TFPI: variants seen among roughly 807,000 people sequenced by gnomAD.
TFPI encodes the protein anti-convertin.
A neutral mutation model predicts 34.6 loss-of-function variants in TFPI; 15 were observed. The ratio of observed to expected loss-of-function variants is 0.43; its 90% CI spans 0.29 to 0.67. The LOEUF is 0.67. Among genes scored for constraint, TFPI ranks in the 30% least tolerant of loss-of-function variants. The probability of loss-of-function intolerance (pLI) is 0.15; values close to 1 mark genes in which losing one functional copy is unlikely to be tolerated. For synonymous variants in TFPI, 105 were observed against 120.1 expected (o/e 0.87, Z 0.82); for missense variants, 301 against 364.0 (o/e 0.83, Z 1.41).
chr2:187,526,668 T>G (rs1687694007), intron 1 of TFPI, among the ~76,000 whole-genome samples: 3 of 152,192 alleles, frequency 2.0e-5, no homozygotes, highest in African/African-American at 7.2e-5. Context: ...TGCTAACATG[T>G]ATACTAAAAG....
chr2:187,483,783 G>T (rs1693051136), intron 6 of TFPI: 1 of 266,636 alleles, frequency 3.8e-6, no homozygotes, highest in Non-Finnish European at 7.0e-6. Flanking sequence ...GCACTGCTGT[G>T]CCAGTACAAT....
chr2:187,532,628 G>T (rs548241414), intron 1 of TFPI, among the ~76,000 whole-genome samples: 63 of 152,252 alleles, frequency 4.1e-4, no homozygotes, highest in African/African-American at 1.5e-3. Flanking sequence ...TTGAGGCCCT[G>T]GGTTTCAAGA....
At chr2:187,542,207 C>G (rs566706166) in intron 1 of TFPI, among the ~76,000 whole-genome samples, 26 of 151,560 alleles carry the variant, frequency 1.7e-4, no homozygotes, top group Middle Eastern at 3.4e-3. Context: ...ATAGCAGATG[C>G]GAACCCAGGC....
intron 2 of TFPI, chr2:187,499,570 C>G (rs1425600242): frequency 6.6e-6 from 1 of 150,744 alleles, no homozygotes; most frequent in Non-Finnish European, 1.5e-5. Flanking sequence ...GGTGTGAAGA[C>G]CCTAAGTGGT....
chr2:187,466,905 G>T lies in TFPI; in HGVS notation c.*31C>A. 1 of 1,160,318 alleles carries T rather than the reference G, an allele frequency of 8.6e-7. No individual in the cohort carries two copies. 71.9% of individuals were successfully genotyped at this position (1,160,318 alleles called of 1,614,324 possible). On this transcript the variant is annotated 3_prime_UTR_variant, in exon 8 of 8. Transcript: ENST00000233156. ...TGAAACATTTCATATAAAATATTTAGTAGAATTAATGTTACATTGCTATAA... is the reference window on the plus strand; with the variant it reads ...TGAAACATTTCATATAAAATATTTATTAGAATTAATGTTACATTGCTATAA...
chr2:187,527,873 A>G (rs1161926093), intron 1 of TFPI, among the ~76,000 whole-genome samples: 2 of 152,132 alleles, frequency 1.3e-5, no homozygotes, highest in African/African-American at 4.8e-5. Context: ...TTAGAGCTAC[A>G]TAATATATTT....
chr2:187,540,855 C>T (rs1250939808), intron 1 of TFPI, among the ~76,000 whole-genome samples: 1 of 137,642 alleles, frequency 7.3e-6, no homozygotes, highest in Non-Finnish European at 1.5e-5. Flanking sequence ...TGTGTCACTG[C>T]ACTCCAGCCT....
At chr2:187,476,159 A>C (rs1286623890) in intron 6 of TFPI, among the ~76,000 whole-genome samples, 1 of 152,180 alleles carries the variant, frequency 6.6e-6, no homozygotes, top group Non-Finnish European at 1.5e-5. Flanking sequence ...TCTTGCATCC[A>C]TGTGATCATA....
rs185590042 is a variant in TFPI, at chr2:187,492,701, A to G, written c.319+4180T>C. Among the ~76,000 whole-genome samples the G allele has an allele frequency of 4.6e-5, 7 of 152,262 alleles. No individual in the cohort carries two copies. The East Asian group carries it at 9.7e-4, about 21-fold the overall frequency. The stretch of plus-strand genomic sequence containing the variant: ...CTGCCCTGCTGGATTTTGGACTTCC[A>G]TGGGGCCTGTAGACCCTTTGTTTTG... On this transcript the variant is annotated intron_variant, in intron 3 of 7. Transcript: ENST00000233156.
At chr2:187,478,318 C>T (rs537994162) in intron 6 of TFPI, among the ~76,000 whole-genome samples, 28 of 152,256 alleles carry the variant, frequency 1.8e-4, no homozygotes, top group Admixed American at 1.3e-3. Context: ...CGAGATCGCG[C>T]CATTGCACTC....
intron 6 of TFPI, among the ~76,000 whole-genome samples, chr2:187,480,653 A>G (rs1321130594): frequency 6.6e-6 from 1 of 152,118 alleles, no homozygotes. Context: ...CATTTAGGGA[A>G]ATTGCTTTAG....
At chr2:187,472,212 C>T (rs1692081517) in intron 6 of TFPI, among the ~76,000 whole-genome samples, 1 of 151,938 alleles carries the variant, frequency 6.6e-6, no homozygotes, top group Non-Finnish European at 1.5e-5. Flanking sequence ...GGCTGTGTCT[C>T]CACATTTTTA....
intron 1 of TFPI, among the ~76,000 whole-genome samples, chr2:187,506,091 G>A (rs1188799660): frequency 6.6e-6 from 1 of 152,034 alleles, no homozygotes; most frequent in Non-Finnish European, 1.5e-5. Context: ...CTGGTTCTGG[G>A]TGATAACAGA....
intron 1 of TFPI, among the ~76,000 whole-genome samples, chr2:187,540,943 A>C (rs2106301978): frequency 6.6e-6 from 1 of 152,016 alleles, no homozygotes; most frequent in East Asian, 1.9e-4. Context: ...ATAAACCTTT[A>C]ATTAAAGAGG....
chr2:187,490,138 A>C (rs1016410031), intron 3 of TFPI, among the ~76,000 whole-genome samples: 1 of 151,602 alleles, frequency 6.6e-6, no homozygotes, highest in Non-Finnish European at 1.5e-5. Flanking sequence ...TTATACCTCA[A>C]ACTGACTTAT....
intron 6 of TFPI, among the ~76,000 whole-genome samples, chr2:187,472,350 A>T (rs1476423967): frequency 6.6e-6 from 1 of 152,162 alleles, no homozygotes; most frequent in Non-Finnish European, 1.5e-5. Flanking sequence ...TGGCTCATGA[A>T]CACCCATGTA....
At chr2:187,488,667 G>T (rs1472141904) in intron 3 of TFPI, among the ~76,000 whole-genome samples, 1 of 151,352 alleles carries the variant, frequency 6.6e-6, no homozygotes, top group Non-Finnish European at 1.5e-5. Context: ...TACTGTTCAG[G>T]ATATCTATAC....
Position 187,480,282 on chromosome 2 carries a change from T to A in TFPI, c.628+3842A>T, listed in dbSNP as rs141166960. Among the ~76,000 whole-genome samples, 702 of 152,148 alleles carry A rather than the reference T, an allele frequency of 4.6e-3. 5 individuals carry two copies. Among genetic ancestry groups the A allele is most frequent in the Non-Finnish European group, 8.2e-3 (557 of 67,938 alleles). On this transcript the variant is annotated intron_variant, in intron 6 of 7. Coordinates refer to ENST00000233156, the MANE Select transcript of TFPI (RefSeq NM_006287.6). ...TAACAAATGAGAATCTAAGGCCTGGTGAATTAAGTGTATTACTCTGAATCA... is the reference window on the plus strand; with the variant it reads ...TAACAAATGAGAATCTAAGGCCTGGAGAATTAAGTGTATTACTCTGAATCA...
At chr2:187,529,103 C>T (rs899067078) in intron 1 of TFPI, among the ~76,000 whole-genome samples, 4 of 152,004 alleles carry the variant, frequency 2.6e-5, no homozygotes, top group African/African-American at 9.7e-5. Flanking sequence ...CAAACGAACA[C>T]GAATAAAAAA....
Sources: gnomAD v4.1 joint callset for allele counts (sites outside exome capture counted in the v4.1 genomes callset) on GRCh38, gnomAD v4.1.1 for gene constraint, MANE v1.5 for transcripts, NCBI Gene and HGNC (gene_info 2026-07-23, HGNC 2026-07-21) for gene names.